The following FASTKD5 variants were observed in gnomAD, a reference collection of about 807,000 sequenced individuals.
FASTKD5 encodes non-canonical pre-mRNAs endonuclease FASTKD5, mitochondrial.
Under a neutral mutation model 44.0 loss-of-function variants are expected in FASTKD5, and 30 were observed. That is an observed-to-expected ratio of 0.68 (90% CI 0.51 to 0.93). The LOEUF (loss-of-function observed/expected upper bound fraction) is 0.93. Among genes scored for constraint, FASTKD5 ranks in the 40% least tolerant of loss-of-function variants. The probability of loss-of-function intolerance (pLI) is 0.00; values close to 1 mark genes in which losing one functional copy is unlikely to be tolerated. For synonymous variants in FASTKD5, 335 were observed against 342.2 expected (o/e 0.98, Z 0.23); for missense variants, 868 against 908.2 (o/e 0.96, Z 0.57).
At chr20:3,157,849 A>T (rs769154461) in intron 1 of FASTKD5, among the ~76,000 whole-genome samples, 4 of 152,144 alleles carry the variant, frequency 2.6e-5, no homozygotes, top group Admixed American at 2.6e-4. Flanking sequence ...GGCTGTATAG[A>T]GGCTGTATAG....
At chr20:3,159,302 C>CA (rs2066722113) in intron 1 of FASTKD5, among the ~76,000 whole-genome samples, 1 of 152,208 alleles carries the variant, frequency 6.6e-6, no homozygotes, top group African/African-American at 2.4e-5. Flanking sequence ...CCTTGCTACT[C>CA]AGTGTGTGGT....
chr20:3,156,484 T>C (rs566862282), intron 1 of FASTKD5, among the ~76,000 whole-genome samples: 39 of 152,250 alleles, frequency 2.6e-4, no homozygotes, highest in Admixed American at 2.0e-3. Context: ...GCCTGACTCT[T>C]TCAATAAAGG....
rs1206824181 is a variant in FASTKD5 at position 3,148,030 on chromosome 20, G to A, written c.1041C>T (p.Asn347=). The A allele has an allele frequency of 6.2e-7, 1 of 1,614,056 alleles. No individual in the cohort carries two copies. Among genetic ancestry groups the A allele is most frequent in the African/African-American group, 1.3e-5 (1 of 74,918 alleles). ...MRKIGDLACA[N]IQHLSSRSLV... ...AGGAGCGACTACTCAGATGCTGAATGTTAGCACAAGCCAAGTCTCCAATTT... is the reference window on the plus strand; with the variant it reads ...AGGAGCGACTACTCAGATGCTGAATATTAGCACAAGCCAAGTCTCCAATTT... The change falls in exon 2 of 2, where the codon AAC becomes AAT. Residue 347 remains asparagine, a synonymous_variant. Coordinates refer to ENST00000380266, the MANE Select transcript of FASTKD5 (RefSeq NM_021826.5).
At position 3,147,512 on chromosome 20, in the gene FASTKD5, G is replaced by A; in HGVS notation, c.1559C>T (p.Thr520Ile). ...GTAATCTGGACACTCAATGCCAACTGTACCATCGAGGGTATATAGTTCCTT... is the reference window on the plus strand; with the variant it reads ...GTAATCTGGACACTCAATGCCAACTATACCATCGAGGGTATATAGTTCCTT... ...LLKELYTLDG[T>I]VGIECPDYRG... Residue 520 changes from threonine (T) to isoleucine (I), a missense_variant, in exon 2 of 2, where the codon ACA (threonine) becomes ATA (isoleucine). Thr to Ile is a moderately conservative substitution (Grantham distance 89). Transcript: ENST00000380266. The A allele has an allele frequency of 6.2e-7, 1 of 1,614,186 alleles. No individual in the cohort carries two copies. The highest frequency in any genetic ancestry group is 8.5e-7 in the Non-Finnish European group (1 of 1,180,032).
At chr20:3,157,268 G>A (rs1201253428) in intron 1 of FASTKD5, among the ~76,000 whole-genome samples, 1 of 152,174 alleles carries the variant, frequency 6.6e-6, no homozygotes, top group Non-Finnish European at 1.5e-5. Flanking sequence ...GTTTCCACAC[G>A]GGAGCAGGGC....
rs373759979 is a variant in FASTKD5, at chr20:3,147,147, A to C, written c.1924T>G (p.Phe642Val). The change falls in exon 2 of 2, where the codon TTC becomes GTC. Residue 642 changes from phenylalanine to valine, a missense_variant. By Grantham distance (50) the Phe-to-Val change is conservative. Coordinates refer to ENST00000380266, the MANE Select transcript of FASTKD5 (RefSeq NM_021826.5). ...KLLKGKARGH[F>V]QGKTESEPGQ... The stretch of plus-strand genomic sequence containing the variant: ...GGCTCTGACTCAGTTTTGCCCTGGA[A>C]ATGTCCTCTTGCTTTCCCTTTTAGT... 6.2e-7 allele frequency: 1 copy of C among 1,613,830 alleles called. No homozygotes were observed. Among genetic ancestry groups the C allele is most frequent in the Non-Finnish European group, 8.5e-7 (1 of 1,180,044 alleles).
chr20:3,146,889 G>C lies in FASTKD5; in HGVS notation c.2182C>G (p.Leu728Val), dbSNP rs749852810. The C allele has an allele frequency of 6.2e-7, 1 of 1,614,190 alleles. No individual in the cohort carries two copies. Among genetic ancestry groups the C allele is most frequent in the Non-Finnish European group, 8.5e-7 (1 of 1,180,036 alleles). ...HNMKRRQLAR[L>V]GYRVVELSYW... ...GATAACTCTACCACACGGTAGCCAA[G>C]CCGAGCCAGCTGCCGCCTCTTCATA... Residue 728 changes from leucine (L) to valine (V), a missense_variant, in exon 2 of 2, where the codon CTT becomes GTT. Leu to Val is a conservative substitution (Grantham distance 32). Transcript: ENST00000380266.
At chr20:3,154,916 G>T (rs2066668125) in intron 1 of FASTKD5, among the ~76,000 whole-genome samples, 1 of 151,818 alleles carries the variant, frequency 6.6e-6, no homozygotes, top group Non-Finnish European at 1.5e-5. Flanking sequence ...GGACAGGTGT[G>T]GTGGCTCACA....
intron 1 of FASTKD5, among the ~76,000 whole-genome samples, chr20:3,157,979 T>G (rs1331637966): frequency 6.6e-6 from 1 of 152,074 alleles, no homozygotes; most frequent in Non-Finnish European, 1.5e-5. Context: ...CACTGCATCC[T>G]CGACCACTGC....
intron 1 of FASTKD5, chr20:3,150,799 T>C (rs1220721182): frequency 1.3e-5 from 2 of 152,230 alleles, no homozygotes; most frequent in Non-Finnish European, 2.9e-5. Context: ...GGCAGGAACA[T>C]ATGTATGAAT....
rs1170690083 is a variant in FASTKD5 at position 3,146,685 on chromosome 20, C to T, written c.*91G>A. 3 of 1,468,538 alleles carry T rather than the reference C, an allele frequency of 2.0e-6. No individual in the cohort carries two copies. The highest frequency in any genetic ancestry group is 1.4e-5 in the African/African-American group (1 of 70,836). The allele number at this position is 1,468,538 out of a possible 1,614,324, so 91.0% of individuals were successfully genotyped here. On this transcript the variant is annotated 3_prime_UTR_variant, in exon 2 of 2. Transcript: ENST00000380266. The stretch of plus-strand genomic sequence containing the variant: ...TCTCCTCAACACACTATTTTATCGC[C>T]AAACTTACATTCTGGCTTTTATAAT...
At position 3,147,447 on chromosome 20, in the gene FASTKD5, A is replaced by G. The variant is rs1334087098; in HGVS notation, c.1624T>C (p.Ser542Pro). 12 of 1,613,732 alleles carry G rather than the reference A, an allele frequency of 7.4e-6. No homozygotes were observed. The Admixed American group carries it at 1.8e-4, about 25-fold the overall frequency. ...RLSTHLQQEGSELLWYLAEKD... is the reference protein window; with the variant it reads ...RLSTHLQQEGPELLWYLAEKD... Reference sequence around the variant, plus strand: ...TCTGCTAAATACCACAGCAATTCAGACCCCTCTTGCTGAAGGTGAGTACTA... The same window carrying G: ...TCTGCTAAATACCACAGCAATTCAGGCCCCTCTTGCTGAAGGTGAGTACTA... The change falls in exon 2 of 2, where the codon TCT (serine) becomes CCT (proline). Residue 542 changes from serine (S) to proline (P), a missense_variant. Ser to Pro is a moderately conservative substitution (Grantham distance 74). Coordinates refer to ENST00000380266, the MANE Select transcript of FASTKD5 (RefSeq NM_021826.5).
intron 1 of FASTKD5, among the ~76,000 whole-genome samples, chr20:3,158,830 C>G: frequency 6.6e-6 from 1 of 152,210 alleles, no homozygotes; most frequent in Non-Finnish European, 1.5e-5. Flanking sequence ...TTGCCCAGGA[C>G]CATTCAGGTC....
At position 3,148,725 on chromosome 20, in the gene FASTKD5, G is replaced by A. The variant is rs140510914; in HGVS notation, c.346C>T (p.Arg116Ter). The change falls in exon 2 of 2, where the codon CGA becomes TGA. Residue 116 changes from arginine to a stop codon, truncating the protein, a stop_gained. Transcript: ENST00000380266. LOFTEE classifies it high-confidence loss of function. Reference sequence around the variant, plus strand: ...TCTGGTCTTAGCTGTAGGAAAACTCGCATGTTTTCAAAGGAATCAAACACT... The same window carrying A: ...TCTGGTCTTAGCTGTAGGAAAACTCACATGTTTTCAAAGGAATCAAACACT... Reference protein sequence around the residue: ...VEVFDSFENMRVFLQLRPEYR... With the variant: ...VEVFDSFENM 6.6e-5 allele frequency: 106 copies of A among 1,614,078 alleles called. No individual in the cohort carries two copies. Among genetic ancestry groups the A allele is most frequent in the Non-Finnish European group, 8.4e-5 (99 of 1,180,042 alleles).
rs2066605176 is a variant in FASTKD5, at chr20:3,149,740, G to C, written c.-190-480C>G. On this transcript the variant is annotated intron_variant, in intron 1 of 1. Coordinates refer to ENST00000380266, the MANE Select transcript of FASTKD5 (RefSeq NM_021826.5). The surrounding 1 kb of genome is among the most constrained non-coding windows in gnomAD (Gnocchi z 4.1). ...GGTATAAAAGATAATTAGTTGGCTG[G>C]GTGTGGGTGGCTCATGCCTGTAATG... 6.6e-6 allele frequency among the ~76,000 whole-genome samples: 1 copy of C among 152,154 alleles called. No individual in the cohort carries two copies. The highest frequency in any genetic ancestry group is 1.9e-4 in the East Asian group (1 of 5,196).
At chr20:3,159,214 G>A (rs1464866208) in intron 1 of FASTKD5, among the ~76,000 whole-genome samples, 1 of 152,324 alleles carries the variant, frequency 6.6e-6, no homozygotes, top group Admixed American at 6.5e-5. Context: ...GCTAAAAATG[G>A]GGGGAAGGTA....
At chr20:3,156,117 C>T (rs1158406058) in intron 1 of FASTKD5, among the ~76,000 whole-genome samples, 1 of 151,756 alleles carries the variant, frequency 6.6e-6, no homozygotes, top group Non-Finnish European at 1.5e-5. Flanking sequence ...TCAGAAAATC[C>T]ATAGGAAAGC....
Position 3,149,178 on chromosome 20 carries a change from T to A in FASTKD5, c.-108A>T. On this transcript the variant is annotated 5_prime_UTR_variant, in exon 2 of 2. Coordinates refer to ENST00000380266, the MANE Select transcript of FASTKD5 (RefSeq NM_021826.5). The surrounding 1 kb of genome is among the most constrained non-coding windows in gnomAD (Gnocchi z 4.1). ...TTGATTAGAGCTGGACGGGGAGGTG[T>A]TCCACAAAAACTGCCTGGAAATCTT... is the stretch of plus-strand genomic sequence containing the variant. 3 of 1,285,458 alleles carry A rather than the reference T, an allele frequency of 2.3e-6. No homozygotes were observed. The highest frequency in any genetic ancestry group is 2.5e-4 in the Middle Eastern group (1 of 4,040). 79.6% of individuals were successfully genotyped at this position (1,285,458 alleles called of 1,614,324 possible).
Position 3,146,975 on chromosome 20 carries a change from A to T in FASTKD5, c.2096T>A (p.Val699Asp). ...ATACTGGTTCCTGTTTGTGAACTGA[A>T]CAGCCAGCTTCATTCTTGGGGTCTG... ...CMQTPRMKLA[V>D]QFTNRNQYCY... The change falls in exon 2 of 2, where the codon GTT becomes GAT. Residue 699 changes from valine (V) to aspartate (D), a missense_variant. Val to Asp is a radical substitution (Grantham distance 152). Transcript: ENST00000380266. 6.2e-7 allele frequency: 1 copy of T among 1,614,184 alleles called. No homozygotes were observed. Among genetic ancestry groups the T allele is most frequent in the Non-Finnish European group, 8.5e-7 (1 of 1,180,030 alleles).
Sources: gnomAD v4.1 joint callset for allele counts (sites outside exome capture counted in the v4.1 genomes callset) on GRCh38, gnomAD v4.1.1 for gene constraint, Gnocchi (gnomAD v3.1) non-coding constraint, MANE v1.5 for transcripts, NCBI Gene and HGNC (gene_info 2026-07-23, HGNC 2026-07-21) for gene names.